DOCK8: variants seen among roughly 807,000 people sequenced by gnomAD.
DOCK8 encodes the protein dedicator of cytokinesis protein 8.
DOCK8 carries 141 observed loss-of-function variants against 245.6 expected under a neutral mutation model. The observed-to-expected ratio is 0.57, with a 90% CI of 0.50 to 0.66. The LOEUF (loss-of-function observed/expected upper bound fraction) is 0.66, where lower values mean the gene tolerates loss of function less well. Among genes scored for constraint, DOCK8 ranks in the 30% least tolerant of loss-of-function variants. The pLI is 0.00. For missense variants in DOCK8, 2,965 were observed against 2,603.4 expected (o/e 1.14, Z -3.02); for synonymous variants, 1,168 against 970.2 (o/e 1.20, Z -3.79).
At chr9:215,192 C>T (rs1563812367) in intron 1 of DOCK8, 163 bp downstream of exon 1, 1 of 1,515,854 alleles carries the variant, frequency 6.6e-7, no homozygotes. Context: ...GGCGGTGGAG[C>T]CGCTGGACGC....
intron 1 of DOCK8, among the ~76,000 whole-genome samples, chr9:232,233 C>A (rs1270318802): frequency 6.6e-6 from 1 of 152,100 alleles, no homozygotes; most frequent in Non-Finnish European, 1.5e-5. Flanking sequence ...GCCTTGCATC[C>A]CAGGGATGAA....
intron 1 of DOCK8, among the ~76,000 whole-genome samples, chr9:249,081 T>C (rs1024598771): frequency 6.6e-6 from 1 of 152,194 alleles, no homozygotes; most frequent in Non-Finnish European, 1.5e-5. Context: ...CTGTTGTTGC[T>C]ATTGTAAACA....
intron 1 of DOCK8, among the ~76,000 whole-genome samples, chr9:243,097 C>G (rs955582090): frequency 1.3e-5 from 2 of 152,074 alleles, no homozygotes; most frequent in African/African-American, 2.4e-5. Context: ...CTTATTTTCC[C>G]CCATCACTTT....
At chr9:252,629 C>A (rs567880973) in intron 1 of DOCK8, among the ~76,000 whole-genome samples, 141 of 151,840 alleles carry the variant, frequency 9.3e-4, no homozygotes, top group African/African-American at 3.3e-3. Context: ...ATGGTGAAAC[C>A]CCATCTCTAC....
intron 14 of DOCK8, among the ~76,000 whole-genome samples, chr9:350,193 G>A (rs939922389): frequency 2.6e-5 from 4 of 152,150 alleles, no homozygotes; most frequent in African/African-American, 9.7e-5. Context: ...GCTCACTGCA[G>A]CCTCAAACTG....
At chr9:368,287 A>C (rs771872530) in intron 15 of DOCK8, 152 bp downstream of exon 15, 1 of 786,980 alleles carries the variant, frequency 1.3e-6, no homozygotes, top group East Asian at 2.5e-5. Context: ...CCAGGATATC[A>C]GTGGGGAAAC....
chr9:418,325 G>A (rs1204655898), intron 30 of DOCK8, 118 bp downstream of exon 30: 1 of 1,375,348 alleles, frequency 7.3e-7, no homozygotes, highest in Non-Finnish European at 1.0e-6. Flanking sequence ...AGGCTGGAGT[G>A]CAGTGGCGCA....
chr9:449,710 T>C, intron 44 of DOCK8, 74 bp from the exon 45 acceptor site: 1 of 1,605,066 alleles, frequency 6.2e-7, no homozygotes, highest in Non-Finnish European at 8.5e-7. Context: ...GTGGCCTCTC[T>C]GTCATAGCTC....
chr9:223,006 G>A (rs780985515), intron 1 of DOCK8, among the ~76,000 whole-genome samples: 1 of 152,088 alleles, frequency 6.6e-6, no homozygotes, highest in Non-Finnish European at 1.5e-5. Flanking sequence ...ACTTGGATGA[G>A]AGAATAGAGA....
At chr9:316,919 A>C in intron 6 of DOCK8, 124 bp from the exon 7 acceptor site, 1 of 776,830 alleles carries the variant, frequency 1.3e-6, no homozygotes, top group Non-Finnish European at 2.3e-6. Context: ...GCAGAGTGTT[A>C]GAAAAAAAGC....
At chr9:328,938 ATTC>A (rs1387200902) in intron 9 of DOCK8, among the ~76,000 whole-genome samples, 2 of 82,628 alleles carry the variant, frequency 2.4e-5, no homozygotes, top group East Asian at 7.2e-4. Flanking sequence ...GGTCTTATTG[ATTC>A]TTTTTTTTTT....
Position 463,570 on chromosome 9 carries a change from A to T in DOCK8, c.6122A>T (p.Glu2041Val), listed in dbSNP as rs2057874392. 1.9e-6 allele frequency: 3 copies of T among 1,614,122 alleles called. No homozygotes were observed. Among genetic ancestry groups the T allele is most frequent in the South Asian group, 2.2e-5 (2 of 91,094 alleles). The part of the protein sequence containing the change: ...NKRLITADQR[E>V]YQQELKKNYN... ...CGTCTCATCACGGCAGACCAGAGGG[A>T]ATATCAGCAGGAACTCAAAAAGAAC... The change falls in exon 47 of 48, where the codon GAA becomes GTA. Residue 2041 changes from glutamate to valine, a missense_variant. Glu to Val is a moderately radical substitution (Grantham distance 121). This residue lies in a region of DOCK8 where 134 missense variants were observed against 128.1 expected (regional missense o/e 1.05). Coordinates refer to ENST00000432829, the MANE Select transcript of DOCK8 (RefSeq NM_203447.4).
At chr9:427,200 G>T (rs1453256032) in intron 34 of DOCK8, among the ~76,000 whole-genome samples, 1 of 152,186 alleles carries the variant, frequency 6.6e-6, no homozygotes, top group East Asian at 1.9e-4. Context: ...GGCTTACTTG[G>T]AGAGGGTTAG....
intron 42 of DOCK8, among the ~76,000 whole-genome samples, chr9:442,465 A>G (rs1395263607): frequency 3.3e-5 from 5 of 152,172 alleles, no homozygotes; most frequent in African/African-American, 7.2e-5. Context: ...GTATCACTGG[A>G]TGGCACCTGG....
chr9:276,166 C>T (rs7872980), intron 2 of DOCK8, among the ~76,000 whole-genome samples: 244 of 152,264 alleles, frequency 1.6e-3, no homozygotes, highest in African/African-American at 5.5e-3. Context: ...GCTGGGATTA[C>T]AGGCTTGAGC....
rs5895839 is a variant in DOCK8, at chr9:334,047, A to ACTTCTGG, written c.1126-177_1126-176insTTCTGGC. 0.46 allele frequency among the ~76,000 whole-genome samples: 69,749 copies of ACTTCTGG among 151,372 alleles called. 16,281 individuals are homozygous for ACTTCTGG. The highest frequency in any genetic ancestry group is 0.72 in the East Asian group (3,681 of 5,082). ...TAATCTTTATTTCCTTATCAGCTAG[A>ACTTCTGG]CCCAAGTGCATCATTTTTCTGCCTA... On this transcript the variant is annotated intron_variant, in intron 10 of 47. Coordinates refer to ENST00000432829, the MANE Select transcript of DOCK8 (RefSeq NM_203447.4).
rs1162190219 is a variant in DOCK8, at chr9:426,960, T to A, written c.4317T>A (p.Asp1439Glu). The change falls in exon 34 of 48, where the codon GAT becomes GAA. Residue 1439 changes from aspartate to glutamate, a missense_variant. Physicochemically the swap from Asp to Glu is conservative, Grantham distance 45 (BLOSUM62 2). Coordinates refer to ENST00000432829, the MANE Select transcript of DOCK8 (RefSeq NM_203447.4). ...CAGAAGCACATTTAATCATCCTGGA[T>A]ATGCAGGAAAACATTATCCAGGTGA... is the stretch of plus-strand genomic sequence containing the variant. ...LATEAHLIIL[D>E]MQENIIQASS... The A allele has an allele frequency of 6.2e-7, 1 of 1,614,090 alleles. No individual in the cohort carries two copies. The highest frequency in any genetic ancestry group is 8.5e-7 in the Non-Finnish European group (1 of 1,180,008).
At chr9:225,814 G>A (rs1220539728) in intron 1 of DOCK8, among the ~76,000 whole-genome samples, 1 of 152,114 alleles carries the variant, frequency 6.6e-6, no homozygotes, top group Non-Finnish European at 1.5e-5. Context: ...GTCAAGGAAA[G>A]CATCTCTTAG....
chr9:237,588 G>A (rs1273731189), intron 1 of DOCK8, among the ~76,000 whole-genome samples: 1 of 152,194 alleles, frequency 6.6e-6, no homozygotes, highest in Non-Finnish European at 1.5e-5. Flanking sequence ...CTGGGAGGTT[G>A]AGGCTTCAGT....
Sources: gnomAD v4.1 joint callset for allele counts (sites outside exome capture counted in the v4.1 genomes callset) on GRCh38, gnomAD v4.1.1 for gene constraint, gnomAD v4.1.1 regional missense constraint, MANE v1.5 for transcripts, NCBI Gene and HGNC (gene_info 2026-07-23, HGNC 2026-07-21) for gene names.